The following PKHD1 variants were observed in gnomAD, a reference collection of about 807,000 sequenced individuals.
PKHD1 encodes the protein fibrocystin.
Under a neutral mutation model 412.0 loss-of-function variants are expected in PKHD1, and 291 were observed. That is an observed-to-expected ratio of 0.71 (90% CI 0.64 to 0.78). The LOEUF is 0.78. PKHD1 is among the 30% of genes least tolerant of loss of function. The pLI is 0.00. For missense variants in PKHD1, 4,825 were observed against 4,950.7 expected, an observed-to-expected ratio of 0.97 and a Z score of 0.76; for synonymous variants, 1,777 against 1,821.5, an observed-to-expected ratio of 0.98 and a Z score of 0.62.
In PKHD1 at chr6:52,083,397, G is replaced by C. The variant is rs1582160789; in HGVS notation, c.53-142C>G. ...CACAGGTGGTTGCACCACATCCCCA[G>C]AGTTTCTGGTTCCGTAGGTCTGGGG... On this transcript the variant is annotated intron_variant, in intron 2 of 66. Coordinates refer to ENST00000371117, the MANE Select transcript of PKHD1 (RefSeq NM_138694.4). 2.3e-5 allele frequency: 16 copies of C among 705,066 alleles called. No homozygotes were observed. The East Asian group carries it at 3.3e-4, about 14-fold the overall frequency. The allele number at this position is 705,066 out of a possible 1,614,324, so 43.7% of individuals were successfully genotyped here.
intron 50 of PKHD1, among the ~76,000 whole-genome samples, chr6:51,840,334 G>A (rs370834275): frequency 6.6e-6 from 1 of 152,088 alleles, no homozygotes; most frequent in Non-Finnish European, 1.5e-5. Context: ...AATAGTATAT[G>A]AAAATCCTGT....
chr6:51,733,104 G>A lies in PKHD1; in HGVS notation c.10156+11281C>T, dbSNP rs1230780121. On this transcript the variant is annotated intron_variant, in intron 60 of 66. Coordinates refer to ENST00000371117, the MANE Select transcript of PKHD1 (RefSeq NM_138694.4). ...GTGGAATGTTGGTTTTCAGGAACAC[G>A]GGGTAGGGAAGAATGGGAAGTTACT... Among the ~76,000 whole-genome samples the A allele has an allele frequency of 4.6e-5, 7 of 152,160 alleles. No homozygotes were observed. In the East Asian group the frequency reaches 5.8e-4, roughly 13 times the overall value.
intron 37 of PKHD1, among the ~76,000 whole-genome samples, chr6:51,922,200 A>C (rs1583386183): frequency 6.6e-6 from 1 of 152,154 alleles, no homozygotes; most frequent in African/African-American, 2.4e-5. Context: ...CTGCAGGTCT[A>C]TTGGAGTTTG....
At chr6:51,668,620 T>G (rs1205653885) in intron 60 of PKHD1, among the ~76,000 whole-genome samples, 1 of 152,212 alleles carries the variant, frequency 6.6e-6, no homozygotes, top group South Asian at 2.1e-4. Flanking sequence ...CCCTGTCTTG[T>G]GCCAGTTTTC....
chr6:51,632,677 C>T lies in PKHD1; in HGVS notation c.11553G>A (p.Val3851=), dbSNP rs772449007. 6.2e-7 allele frequency: 1 copy of T among 1,613,556 alleles called. No homozygotes were observed. The highest frequency in any genetic ancestry group is 8.5e-7 in the Non-Finnish European group (1 of 1,179,670). Residue 3851 remains valine, a synonymous_variant, in exon 65 of 67, where the codon GTG becomes GTA. Coordinates refer to ENST00000371117, the MANE Select transcript of PKHD1 (RefSeq NM_138694.4). The stretch of plus-strand genomic sequence containing the variant: ...TGATGGTCGACTTCTCCTTCCTAGT[C>T]ACAGGCAAGACAGCAAATGGCTTGG... The part of the protein sequence containing the change: ...ARSKPFAVLP[V]TRKEKSTIIL...
At chr6:51,911,456 T>C (rs1341582329) in intron 39 of PKHD1, among the ~76,000 whole-genome samples, 4 of 152,170 alleles carry the variant, frequency 2.6e-5, no homozygotes, top group Non-Finnish European at 5.9e-5. Context: ...CATATGGCTT[T>C]CCTGAGAATC....
chr6:52,035,739 T>C lies in PKHD1; in HGVS notation c.3098-18A>G, dbSNP rs775127027. ...GAGCCCTCCTGTAACAAAAACAGCATATTCAAATGGGATCACCAACCATAC... is the reference window on the plus strand; with the variant it reads ...GAGCCCTCCTGTAACAAAAACAGCACATTCAAATGGGATCACCAACCATAC... On this transcript the variant is annotated intron_variant, in intron 27 of 66. Coordinates refer to ENST00000371117, the MANE Select transcript of PKHD1 (RefSeq NM_138694.4). 9 of 1,612,964 alleles carry C rather than the reference T, an allele frequency of 5.6e-6. No individual in the cohort carries two copies. Among genetic ancestry groups the C allele is most frequent in the Admixed American group, 3.3e-5 (2 of 59,978 alleles).
chr6:52,019,244 G>A (rs2195593), intron 33 of PKHD1, among the ~76,000 whole-genome samples: 68,577 of 152,146 alleles, frequency 0.45, 17,276 homozygotes, highest in Admixed American at 0.58. Context: ...CAAGGGCCGT[G>A]GGCTTAGACC....
intron 52 of PKHD1, among the ~76,000 whole-genome samples, chr6:51,817,498 G>T (rs141293297): frequency 6.6e-6 from 1 of 152,110 alleles, no homozygotes; most frequent in Non-Finnish European, 1.5e-5. Flanking sequence ...AAGGGGACTG[G>T]TGTGTCAGTT....
At chr6:52,086,057 AAT>A (rs1283815915) in intron 1 of PKHD1, among the ~76,000 whole-genome samples, 7 of 146,820 alleles carry the variant, frequency 4.8e-5, no homozygotes, top group South Asian at 2.1e-4. Context: ...AAATATATTT[AAT>A]ATATATATAC....
intron 49 of PKHD1, among the ~76,000 whole-genome samples, chr6:51,851,303 A>G (rs1772192958): frequency 1.3e-5 from 2 of 152,168 alleles, no homozygotes; most frequent in South Asian, 2.1e-4. Flanking sequence ...GTTTGCCAGT[A>G]TTTTATTGAG....
intron 55 of PKHD1, among the ~76,000 whole-genome samples, chr6:51,757,092 C>T (rs1379494449): frequency 6.6e-6 from 1 of 152,292 alleles, no homozygotes; most frequent in East Asian, 1.9e-4. Flanking sequence ...CACTCACTTC[C>T]TGCTGTGCGT....
intron 36 of PKHD1, among the ~76,000 whole-genome samples, chr6:51,941,725 T>A (rs977723745): frequency 2.0e-5 from 3 of 151,568 alleles, no homozygotes; most frequent in Non-Finnish European, 4.4e-5. Flanking sequence ...CCTCAATACC[T>A]CCCTCCACAA....
chr6:51,673,280 C>T (rs962174852), intron 60 of PKHD1, among the ~76,000 whole-genome samples: 8 of 152,168 alleles, frequency 5.3e-5, no homozygotes, highest in African/African-American at 1.9e-4. Flanking sequence ...TTAGAGAAAG[C>T]AAAATATGTA....
chr6:51,694,105 C>T (rs1388239505), intron 60 of PKHD1, among the ~76,000 whole-genome samples: 1 of 152,152 alleles, frequency 6.6e-6, no homozygotes, highest in Non-Finnish European at 1.5e-5. Flanking sequence ...TGCCACCTGG[C>T]TTCATCTTAA....
intron 60 of PKHD1, among the ~76,000 whole-genome samples, chr6:51,688,743 A>G (rs1043290565): frequency 6.6e-6 from 1 of 152,178 alleles, no homozygotes; most frequent in African/African-American, 2.4e-5. Context: ...CAAACTAGAA[A>G]ATCTAGAAGA....
At chr6:51,751,511 T>G (rs935631614) in intron 57 of PKHD1, among the ~76,000 whole-genome samples, 3 of 152,198 alleles carry the variant, frequency 2.0e-5, no homozygotes, top group African/African-American at 7.2e-5. Context: ...GGAAGAAAAT[T>G]GAGTGAAAGG....
intron 37 of PKHD1, among the ~76,000 whole-genome samples, chr6:51,914,013 T>G (rs1381716676): frequency 6.6e-6 from 1 of 152,136 alleles, no homozygotes; most frequent in African/African-American, 2.4e-5. Flanking sequence ...ATATGTGAAT[T>G]TTTATAACCC....
intron 52 of PKHD1, among the ~76,000 whole-genome samples, chr6:51,826,563 CGTA>C (rs1365301246): frequency 6.6e-6 from 1 of 152,116 alleles, no homozygotes; most frequent in Non-Finnish European, 1.5e-5. Context: ...TTGAGATTTG[CGTA>C]GTAAGGCAGA....
Sources: gnomAD v4.1 joint callset for allele counts (sites outside exome capture counted in the v4.1 genomes callset) on GRCh38, gnomAD v4.1.1 for gene constraint, MANE v1.5 for transcripts, NCBI Gene and HGNC (gene_info 2026-07-23, HGNC 2026-07-21) for gene names.